The following DLGAP2 variants were observed in gnomAD, a reference collection of about 807,000 sequenced individuals.
DLGAP2 encodes disks large-associated protein 2.
A neutral mutation model predicts 100.3 loss-of-function variants in DLGAP2; 26 were observed. The observed-to-expected ratio is 0.26, with a 90% CI of 0.19 to 0.36. The LOEUF is 0.36. Ranked by LOEUF, DLGAP2 falls within the 10% of genes least tolerant of loss-of-function variation. The probability of loss-of-function intolerance (pLI) is 1.00; values close to 1 mark genes in which losing one functional copy is unlikely to be tolerated. For missense variants in DLGAP2, 1,858 were observed against 1,453.2 expected (o/e 1.28, Z -4.53); for synonymous variants, 886 against 630.1 (o/e 1.41, Z -6.08).
chr8:906,204 G>A (rs1291890080), intron 1 of DLGAP2, among the ~76,000 whole-genome samples: 1 of 152,236 alleles, frequency 6.6e-6, no homozygotes, highest in Non-Finnish European at 1.5e-5. Context: ...GGTGTCTGCA[G>A]CTGACTAGGT....
At chr8:916,129 C>T (rs561545219) in intron 2 of DLGAP2, among the ~76,000 whole-genome samples, 1 of 152,336 alleles carries the variant, frequency 6.6e-6, no homozygotes, top group East Asian at 1.9e-4. Context: ...CATGAGTCCT[C>T]CTCACTGTAG....
chr8:984,068 C>G (rs1800418298), intron 2 of DLGAP2, among the ~76,000 whole-genome samples: 1 of 152,156 alleles, frequency 6.6e-6, no homozygotes, highest in Non-Finnish European at 1.5e-5. Context: ...CCCGGTGTCT[C>G]ATGTGTAGCT....
chr8:1,131,075 G>A (rs914226029), intron 2 of DLGAP2, among the ~76,000 whole-genome samples: 3 of 152,118 alleles, frequency 2.0e-5, no homozygotes, highest in African/African-American at 7.2e-5. Flanking sequence ...GAAAAAACAT[G>A]TTTGTTTTTT....
chr8:1,212,124 A>G (rs775990094), intron 2 of DLGAP2, among the ~76,000 whole-genome samples: 119 of 152,316 alleles, frequency 7.8e-4, no homozygotes, highest in African/African-American at 2.8e-3. Context: ...AGAATATCGA[A>G]TGTGCAGAAA....
chr8:1,189,557 A>G (rs1488670017), intron 2 of DLGAP2, among the ~76,000 whole-genome samples: 1 of 152,204 alleles, frequency 6.6e-6, no homozygotes, highest in Non-Finnish European at 1.5e-5. Context: ...GGTTAGGGAA[A>G]GACCAGCTTA....
At chr8:996,956 A>G (rs1359272526) in intron 2 of DLGAP2, among the ~76,000 whole-genome samples, 1 of 152,250 alleles carries the variant, frequency 6.6e-6, no homozygotes, top group Non-Finnish European at 1.5e-5. Context: ...TTCATAGACC[A>G]GGAATCTATC....
At chr8:1,165,641 A>G (rs1452320891) in intron 2 of DLGAP2, among the ~76,000 whole-genome samples, 1 of 152,064 alleles carries the variant, frequency 6.6e-6, no homozygotes, top group Non-Finnish European at 1.5e-5. Context: ...CTGTTACATG[A>G]TTTTCGTCTT....
At chr8:1,267,908 A>G (rs765043328) in intron 3 of DLGAP2, among the ~76,000 whole-genome samples, 3 of 152,184 alleles carry the variant, frequency 2.0e-5, no homozygotes, top group Non-Finnish European at 2.9e-5. Context: ...GTAGTTTTGA[A>G]TCAAATACAT....
intron 1 of DLGAP2, among the ~76,000 whole-genome samples, chr8:740,847 A>T (rs1431623899): frequency 2.0e-5 from 3 of 152,222 alleles, no homozygotes; most frequent in Non-Finnish European, 4.4e-5. Context: ...AGTTGATTAA[A>T]TATTCTATTT....
chr8:1,664,472 A>T (rs1353086109), intron 8 of DLGAP2, among the ~76,000 whole-genome samples: 1 of 152,126 alleles, frequency 6.6e-6, no homozygotes, highest in African/African-American at 2.4e-5. Flanking sequence ...CAGTGTGATT[A>T]TGGAGCACAC....
intron 6 of DLGAP2, among the ~76,000 whole-genome samples, chr8:1,589,039 A>G (rs1233668284): frequency 3.3e-5 from 5 of 152,228 alleles, no homozygotes; most frequent in African/African-American, 1.2e-4. Context: ...ATCCTAGTTG[A>G]CACACACAAA....
At chr8:1,299,777 AAGG>A (rs1272027980) in intron 3 of DLGAP2, 2 of 152,162 alleles carry the variant, frequency 1.3e-5, no homozygotes, top group African/African-American at 2.4e-5. Flanking sequence ...TGCACTTTTA[AAGG>A]AGGTCAAGAA....
intron 2 of DLGAP2, among the ~76,000 whole-genome samples, chr8:1,121,577 C>T (rs1796049229): frequency 6.6e-6 from 1 of 152,140 alleles, no homozygotes; most frequent in Non-Finnish European, 1.5e-5. Flanking sequence ...CATTAGAACC[C>T]ATGACCTCCC....
At chr8:1,503,942 G>A (rs1254892143) in intron 4 of DLGAP2, among the ~76,000 whole-genome samples, 1 of 152,170 alleles carries the variant, frequency 6.6e-6, no homozygotes, top group Admixed American at 6.5e-5. Context: ...TGAGCCCAGG[G>A]ACCTGAAGCA....
At chr8:1,537,473 C>G (rs1241862842) in intron 4 of DLGAP2, among the ~76,000 whole-genome samples, 1 of 152,130 alleles carries the variant, frequency 6.6e-6, no homozygotes, top group Non-Finnish European at 1.5e-5. Context: ...CACCACCACC[C>G]TGCCCCAGTC....
intron 1 of DLGAP2, among the ~76,000 whole-genome samples, chr8:817,767 G>T (rs2132680707): frequency 6.6e-6 from 1 of 152,286 alleles, no homozygotes; most frequent in Non-Finnish European, 1.5e-5. Context: ...GAGCTACTAG[G>T]CTCTGAGCTG....
intron 3 of DLGAP2, among the ~76,000 whole-genome samples, chr8:1,474,884 T>A (rs1798890311): frequency 1.3e-5 from 2 of 152,202 alleles, no homozygotes; most frequent in Non-Finnish European, 2.9e-5. Flanking sequence ...TTACTAGGTA[T>A]ATAGCCAAAG....
chr8:1,250,632 G>A (rs568924774), intron 2 of DLGAP2: 2 of 152,036 alleles, frequency 1.3e-5, no homozygotes, highest in Admixed American at 1.3e-4. Flanking sequence ...TTCCCTCCCT[G>A]TCTGTGCATC....
chr8:904,432 A>G (rs1798332182), intron 1 of DLGAP2, among the ~76,000 whole-genome samples: 1 of 152,176 alleles, frequency 6.6e-6, no homozygotes, highest in Non-Finnish European at 1.5e-5. Context: ...AGGCAGAAGA[A>G]TCACTTGAAC....
Sources: gnomAD v4.1 joint callset for allele counts (sites outside exome capture counted in the v4.1 genomes callset) on GRCh38, gnomAD v4.1.1 for gene constraint, MANE v1.5 for transcripts, NCBI Gene and HGNC (gene_info 2026-07-23, HGNC 2026-07-21) for gene names.